The following ATP6V0A1 variants were observed in gnomAD, a reference collection of about 807,000 sequenced individuals.
ATP6V0A1 encodes the protein V-type proton ATPase 116 kDa subunit a 1.
ATP6V0A1 carries 43 observed loss-of-function variants against 105.4 expected under a neutral mutation model. The ratio of observed to expected loss-of-function variants is 0.41; its 90% CI spans 0.32 to 0.53. The LOEUF (loss-of-function observed/expected upper bound fraction) is 0.53. Among genes scored for constraint, ATP6V0A1 ranks in the 20% least tolerant of loss-of-function variants. The pLI, the probability that ATP6V0A1 is intolerant of heterozygous loss-of-function variation, is 0.30. For synonymous variants in ATP6V0A1, 362 were observed against 372.8 expected (o/e 0.97, Z 0.33); for missense variants, 676 against 1,051.1 (o/e 0.64, Z 4.93).
intron 19 of ATP6V0A1, among the ~76,000 whole-genome samples, chr17:42,512,849 T>G (rs1160248849): frequency 6.6e-6 from 1 of 152,240 alleles, no homozygotes. Flanking sequence ...GGGAGGCCAC[T>G]GAGCCCTCAG....
In ATP6V0A1 at chr17:42,501,278, C is replaced by T. The variant is rs575815633; in HGVS notation, c.1978C>T (p.Arg660Cys). 2.0e-5 allele frequency: 32 copies of T among 1,613,864 alleles called. No individual in the cohort carries two copies. Among genetic ancestry groups the T allele is most frequent in the East Asian group, 8.9e-5 (4 of 44,874 alleles). Residue 660 changes from arginine (R) to cysteine (C), a missense_variant, in exon 17 of 22, where the codon CGT becomes TGT. By Grantham distance (180) the Arg-to-Cys change is radical. This residue lies in a region of ATP6V0A1 where 435 missense variants were observed against 642.2 expected (regional missense o/e 0.68). Transcript: ENST00000343619. Reference protein sequence around the residue: ...MLLFKPLVLRRQYLRRKHLGT... With the variant: ...MLLFKPLVLRCQYLRRKHLGT... ...GCTGTTTAAACCATTGGTCCTTCGC[C>T]GTCAGTATTTGAGGAGAAAGCATTT...
chr17:42,493,514 TG>T, intron 11 of ATP6V0A1, among the ~76,000 whole-genome samples: 2 of 152,296 alleles, frequency 1.3e-5, no homozygotes, highest in East Asian at 3.9e-4. Flanking sequence ...TTATCAGAGC[TG>T]CCAGGCACAG....
rs772820064 is a variant in ATP6V0A1, at chr17:42,508,609, T to G, written c.2130+20T>G. 3.7e-6 allele frequency: 6 copies of G among 1,613,890 alleles called. No homozygotes were observed. The highest frequency in any genetic ancestry group is 2.2e-5 in the South Asian group (2 of 91,082). ...GAAGTGGTAAGATGAAAGCTGGCGT[T>G]GCCTTCGTGTTTATCCGGGCTTCTC... On this transcript the variant is annotated intron_variant, in intron 19 of 21. Transcript: ENST00000343619.
chr17:42,516,350 T>G (rs2092625097), intron 21 of ATP6V0A1, among the ~76,000 whole-genome samples: 1 of 152,048 alleles, frequency 6.6e-6, no homozygotes, highest in African/African-American at 2.4e-5. Flanking sequence ...GGTGCACTCT[T>G]CTTCAAAAGC....
At chr17:42,509,873 C>T (rs1411008925) in intron 19 of ATP6V0A1, 1 of 152,234 alleles carries the variant, frequency 6.6e-6, no homozygotes, top group Non-Finnish European at 1.5e-5. Context: ...CCCTTGGCTA[C>T]CCAAGTAGTC....
intron 6 of ATP6V0A1, 90 bp downstream of exon 6, chr17:42,477,832 A>G: frequency 9.3e-7 from 1 of 1,072,402 alleles, no homozygotes; most frequent in Non-Finnish European, 1.4e-6. Flanking sequence ...TTCACTTGCT[A>G]CCAGGATATG....
rs1474076981 is a variant in ATP6V0A1, at chr17:42,520,307, C to T, written c.2421-720C>T. ...GTGAGTTTGCAGGAGGAAGCACAGC[C>T]AAGCAGCCTCGCTCTGCTTATGGGA... On this transcript the variant is annotated intron_variant, in intron 21 of 21. Transcript: ENST00000343619. 1.0e-5 allele frequency: 4 copies of T among 381,792 alleles called. No individual in the cohort carries two copies. In the Admixed American group the frequency reaches 1.3e-4, roughly 12 times the overall value. 23.7% of individuals were successfully genotyped at this position (381,792 alleles called of 1,614,324 possible). A position where few individuals can be genotyped will look rare whatever the true frequency, so the allele number is the denominator to read the frequency against.
chr17:42,507,734 T>G (rs2092116561), intron 18 of ATP6V0A1, 107 bp downstream of exon 18: 1 of 955,258 alleles, frequency 1.0e-6, no homozygotes, highest in South Asian at 1.3e-5. Flanking sequence ...ATAAAAATAC[T>G]AATTAATATT....
intron 10 of ATP6V0A1, among the ~76,000 whole-genome samples, chr17:42,490,153 T>A (rs1478455051): frequency 1.3e-5 from 2 of 152,164 alleles, no homozygotes; most frequent in Admixed American, 6.6e-5. Context: ...AGAACAACTT[T>A]CATAAAAAGG....
chr17:42,506,467 G>T (rs1348230399), intron 17 of ATP6V0A1, among the ~76,000 whole-genome samples: 1 of 152,264 alleles, frequency 6.6e-6, no homozygotes, highest in East Asian at 1.9e-4. Flanking sequence ...ACACCAGGAG[G>T]TGGAGCTGAG....
At chr17:42,468,532 C>T (rs2087417322) in intron 4 of ATP6V0A1, among the ~76,000 whole-genome samples, 1 of 152,150 alleles carries the variant, frequency 6.6e-6, no homozygotes, top group African/African-American at 2.4e-5. Flanking sequence ...CTTCATCCCC[C>T]CACAAACCCA....
chr17:42,505,948 C>G (rs1002199752), intron 17 of ATP6V0A1, among the ~76,000 whole-genome samples: 2 of 151,434 alleles, frequency 1.3e-5, no homozygotes, highest in African/African-American at 4.9e-5. Context: ...CCTCTACGCC[C>G]AACTAATTTT....
chr17:42,501,728 A>G (rs1226509276), intron 17 of ATP6V0A1, among the ~76,000 whole-genome samples: 1 of 151,440 alleles, frequency 6.6e-6, no homozygotes, highest in Non-Finnish European at 1.5e-5. Flanking sequence ...TCTGTATACT[A>G]TTAAAACGCA....
intron 8 of ATP6V0A1, 95 bp from the exon 9 acceptor site, chr17:42,482,943 C>A: frequency 3.0e-6 from 2 of 663,612 alleles, no homozygotes; most frequent in Non-Finnish European, 4.4e-6. Flanking sequence ...TCGGTCTGAC[C>A]TAATCCTGTT....
At chr17:42,494,204 T>C (rs2090936177) in intron 11 of ATP6V0A1, 130 bp from the exon 12 acceptor site, 2 of 902,000 alleles carry the variant, frequency 2.2e-6, no homozygotes, top group Non-Finnish European at 3.2e-6. Flanking sequence ...GATTGAGACA[T>C]TGCTGGCTGA....
At chr17:42,498,149 C>T (rs2091358241) in intron 14 of ATP6V0A1, among the ~76,000 whole-genome samples, 1 of 151,984 alleles carries the variant, frequency 6.6e-6, no homozygotes, top group Non-Finnish European at 1.5e-5. Context: ...ACCTGGGAGG[C>T]TGAGGCAAGG....
At chr17:42,469,644 CTATT>C (rs1192123178) in intron 4 of ATP6V0A1, among the ~76,000 whole-genome samples, 15 of 150,742 alleles carry the variant, frequency 1.0e-4, no homozygotes, top group African/African-American at 3.2e-4. Context: ...CCAGGAAAGA[CTATT>C]TATTTATTTA....
chr17:42,505,207 T>G (rs2091939601), intron 17 of ATP6V0A1, among the ~76,000 whole-genome samples: 1 of 151,958 alleles, frequency 6.6e-6, no homozygotes, highest in Non-Finnish European at 1.5e-5. Flanking sequence ...GGCTAATTTT[T>G]GTTTTGTTTT....
intron 1 of ATP6V0A1, 127 bp from the exon 2 acceptor site, chr17:42,460,721 C>T (rs1598630381): frequency 1.8e-6 from 1 of 550,840 alleles, no homozygotes; most frequent in East Asian, 2.8e-5. Flanking sequence ...GACAGGGTGT[C>T]AAAAACAGTT....
Sources: gnomAD v4.1 joint callset for allele counts (sites outside exome capture counted in the v4.1 genomes callset) on GRCh38, gnomAD v4.1.1 for gene constraint, gnomAD v4.1.1 regional missense constraint, MANE v1.5 for transcripts, NCBI Gene and HGNC (gene_info 2026-07-23, HGNC 2026-07-21) for gene names.